Variants in NOL4L observed in about 807,000 individuals in gnomAD.
NOL4L encodes nucleolar protein 4 like, also known as nucleolar protein 4-like.
A neutral mutation model predicts 64.5 loss-of-function variants in NOL4L; 7 were observed. The observed-to-expected ratio is 0.11, with a 90% CI of 0.06 to 0.20. The LOEUF (loss-of-function observed/expected upper bound fraction) is 0.20, where lower values mean the gene tolerates loss of function less well. NOL4L is among the 10% of genes least tolerant of loss of function. NOL4L has a pLI of 1.00. For synonymous variants in NOL4L, 413 were observed against 401.0 expected (o/e 1.03, Z -0.36); for missense variants, 680 against 967.1 (o/e 0.70, Z 3.94).
chr20:32,472,621 C>T (rs1299606234), intron 5 of NOL4L, among the ~76,000 whole-genome samples: 1 of 152,238 alleles, frequency 6.6e-6, no homozygotes, highest in Non-Finnish European at 1.5e-5. Flanking sequence ...TGGCCCAGGA[C>T]TCTAGGCTGG....
intron 4 of NOL4L, among the ~76,000 whole-genome samples, chr20:32,500,055 T>A (rs946762523): frequency 6.6e-6 from 1 of 152,162 alleles, no homozygotes; most frequent in South Asian, 2.1e-4. Context: ...AAGCGGAATC[T>A]GTATCTCAGA....
At chr20:32,536,808 G>C (rs1343927110) in intron 1 of NOL4L, among the ~76,000 whole-genome samples, 1 of 119,012 alleles carries the variant, frequency 8.4e-6, no homozygotes, top group African/African-American at 3.0e-5. Flanking sequence ...GTGGGGGGGG[G>C]GGGGCGCACC....
intron 4 of NOL4L, among the ~76,000 whole-genome samples, chr20:32,493,733 T>G (rs1326526471): frequency 6.6e-6 from 1 of 152,128 alleles, no homozygotes; most frequent in Non-Finnish European, 1.5e-5. Context: ...GAGCCCCTAC[T>G]ATGCTCCAAG....
intron 9 of NOL4L, 46 bp downstream of exon 9, chr20:32,452,838 C>G: frequency 3.7e-6 from 6 of 1,609,062 alleles, no homozygotes; most frequent in Non-Finnish European, 5.1e-6. Flanking sequence ...CCTGCCCTCC[C>G]TGGCTGCCCA....
intron 4 of NOL4L, among the ~76,000 whole-genome samples, chr20:32,487,299 T>G (rs2016130988): frequency 6.8e-6 from 1 of 147,454 alleles, no homozygotes; most frequent in Non-Finnish European, 1.5e-5. Flanking sequence ...AAATAACAAC[T>G]AAACTTAATG....
intron 5 of NOL4L, 31 bp from the exon 6 acceptor site, chr20:32,456,426 A>C (rs1600647036): frequency 4.2e-6 from 6 of 1,435,652 alleles, no homozygotes; most frequent in Non-Finnish European, 5.5e-6. Flanking sequence ...GTGAGGCCCC[A>C]CCCAAGGCAC....
At chr20:32,478,889 C>T (rs568941966) in intron 4 of NOL4L, among the ~76,000 whole-genome samples, 1 of 152,336 alleles carries the variant, frequency 6.6e-6, no homozygotes, top group South Asian at 2.1e-4. Flanking sequence ...GCTGCGACAG[C>T]AAATTTTTTT....
At chr20:32,511,078 T>TCCCCTCCTC (rs1185742503) in intron 4 of NOL4L, 2 of 333,220 alleles carry the variant, frequency 6.0e-6, no homozygotes, top group African/African-American at 2.1e-5. Flanking sequence ...CCCTTCCACG[T>TCCCCTCCTC]CCCCTCCTCC....
chr20:32,538,293 C>G (rs987799706), intron 1 of NOL4L, among the ~76,000 whole-genome samples: 1 of 152,194 alleles, frequency 6.6e-6, no homozygotes, highest in Admixed American at 6.5e-5. Context: ...CCCTGCCCCC[C>G]ACCCACAATC....
At position 32,447,532 on chromosome 20, in the gene NOL4L, G is replaced by A; in HGVS notation, c.*64C>T. ...CAAAATGTACCAACTGGTGAGGCAGGAAGCCAGGTCCAGGCTGGGACAGCC... is the reference window on the plus strand; with the variant it reads ...CAAAATGTACCAACTGGTGAGGCAGAAAGCCAGGTCCAGGCTGGGACAGCC... On this transcript the variant is annotated 3_prime_UTR_variant, in exon 11 of 11. Coordinates refer to ENST00000621426, the MANE Select transcript of NOL4L (RefSeq NM_001256798.2). 4.6e-6 allele frequency: 7 copies of A among 1,518,090 alleles called. No individual in the cohort carries two copies. The highest frequency in any genetic ancestry group is 2.4e-4 in the Middle Eastern group (1 of 4,160). The allele number at this position is 1,518,090 out of a possible 1,614,324, so 94.0% of individuals were successfully genotyped here. A position where few individuals can be genotyped will look rare whatever the true frequency, so the allele number is the denominator to read the frequency against.
At chr20:32,476,022 G>A (rs115062042) in intron 4 of NOL4L, among the ~76,000 whole-genome samples, 2 of 152,022 alleles carry the variant, frequency 1.3e-5, no homozygotes, top group Non-Finnish European at 2.9e-5. Flanking sequence ...TAGTCCCCAC[G>A]CGGCACACCC....
chr20:32,486,829 T>C (rs1319719194), intron 4 of NOL4L: 7 of 465,634 alleles, frequency 1.5e-5, no homozygotes, highest in Non-Finnish European at 3.1e-5. Context: ...ACTTGAGCCA[T>C]GTGCTCCCCC....
At chr20:32,581,403 G>T (rs1373191408) in intron 1 of NOL4L, among the ~76,000 whole-genome samples, 2 of 152,216 alleles carry the variant, frequency 1.3e-5, no homozygotes, top group Non-Finnish European at 1.5e-5. Context: ...GGCCAGATGG[G>T]ACAGGACAAG....
At position 32,455,712 on chromosome 20, in the gene NOL4L, G is replaced by A. The variant is rs76201371; in HGVS notation, c.1119+406C>T. Among the ~76,000 whole-genome samples the A allele has an allele frequency of 5.5e-3, 836 of 152,206 alleles. 5 individuals carry two copies. Among genetic ancestry groups the A allele is most frequent in the Non-Finnish European group, 9.2e-3 (627 of 67,988 alleles). ...CTGGGCCCTCGCCCTTTTTTCGCAC[G>A]ACCTATAAAATGGGGACAGGCACGC... On this transcript the variant is annotated intron_variant, in intron 6 of 10. Coordinates refer to ENST00000621426, the MANE Select transcript of NOL4L (RefSeq NM_001256798.2).
chr20:32,449,737 G>T (rs895035164), intron 10 of NOL4L: 1 of 152,290 alleles, frequency 6.6e-6, no homozygotes, highest in Admixed American at 6.5e-5. Flanking sequence ...TGGAACAGGA[G>T]TGCCTCTGCT....
chr20:32,488,827 T>TTTCTTTCTTTCTTTCTTTC (rs2016294538), intron 4 of NOL4L, among the ~76,000 whole-genome samples: 2 of 33,152 alleles, frequency 6.0e-5, no homozygotes, highest in African/African-American at 1.9e-4. Flanking sequence ...CTTTCTTTCT[T>TTTCTTTCTTTCTTTCTTTC]TTTCTTTCTT....
chr20:32,467,871 C>T (rs976556837), intron 5 of NOL4L, among the ~76,000 whole-genome samples: 1 of 152,164 alleles, frequency 6.6e-6, no homozygotes, highest in African/African-American at 2.4e-5. Flanking sequence ...GGGAGGGGGC[C>T]GGGCCAAGGA....
In NOL4L at chr20:32,548,899, A is replaced by G. The variant is rs11905098; in HGVS notation, c.322-20986T>C. On this transcript the variant is annotated intron_variant, in intron 1 of 10. Coordinates refer to ENST00000621426, the MANE Select transcript of NOL4L (RefSeq NM_001256798.2). ...GAATACTACACAGCTGTAAAAAAGA[A>G]GGAGAAAGTTCTTTATGTTCTAACA... 1,536 of 416,350 alleles carry G rather than the reference A, an allele frequency of 3.7e-3. 23 individuals carry two copies. The highest frequency in any genetic ancestry group is 0.03 in the African/African-American group (1,424 of 47,922). The allele number at this position is 416,350 out of a possible 1,614,324, so 25.8% of individuals were successfully genotyped here.
intron 5 of NOL4L, among the ~76,000 whole-genome samples, chr20:32,465,824 G>A (rs1483812678): frequency 6.6e-6 from 1 of 152,206 alleles, no homozygotes; most frequent in Non-Finnish European, 1.5e-5. Context: ...CCCTTGAACA[G>A]GCTCCCGGTG....
Sources: gnomAD v4.1 joint callset for allele counts (sites outside exome capture counted in the v4.1 genomes callset) on GRCh38, gnomAD v4.1.1 for gene constraint, MANE v1.5 for transcripts, NCBI Gene and HGNC (gene_info 2026-07-23, HGNC 2026-07-21) for gene names.